The following B4GALT6 variants were observed in gnomAD, a reference collection of about 807,000 sequenced individuals.
The protein encoded by B4GALT6 is beta-1,4-galactosyltransferase 6, also known as UDP-Gal:beta-GlcNAc beta-1,4-galactosyltransferase 6.
Under a neutral mutation model 46.3 loss-of-function variants are expected in B4GALT6, and 14 were observed. The observed-to-expected ratio is 0.30, with a 90% confidence interval of 0.20 to 0.47. The LOEUF is 0.47. Ranked by LOEUF, B4GALT6 falls within the 20% of genes least tolerant of loss-of-function variation. B4GALT6 has a pLI of 0.99. For missense variants in B4GALT6, 386 were observed against 480.1 expected, an observed-to-expected ratio of 0.80 and a Z score of 1.83; for synonymous variants, 168 against 162.0, an observed-to-expected ratio of 1.04 and a Z score of -0.28.
chr18:31,685,056 G>C (rs1375726083), upstream of B4GALT6, among the ~76,000 whole-genome samples: 1 of 146,036 alleles, frequency 6.8e-6, no homozygotes, highest in Non-Finnish European at 1.5e-5. Flanking sequence ...CCGAGGAGCT[G>C]GGCGCTCGCC....
At chr18:31,658,863 A>T (rs2074176306) in intron 2 of B4GALT6, among the ~76,000 whole-genome samples, 1 of 152,162 alleles carries the variant, frequency 6.6e-6, no homozygotes, top group Non-Finnish European at 1.5e-5. Flanking sequence ...GGCCCATAGA[A>T]ATAGCTAATA....
the B4GALT6 span, among the ~76,000 whole-genome samples, chr18:31,695,136 A>G: frequency 6.6e-6 from 1 of 152,162 alleles, no homozygotes; most frequent in Non-Finnish European, 1.5e-5. Context: ...TCTTTGAGAA[A>G]AAAAATTTCC....
chr18:31,649,007 A>T (rs924065314), intron 3 of B4GALT6, among the ~76,000 whole-genome samples: 1 of 152,166 alleles, frequency 6.6e-6, no homozygotes, highest in African/African-American at 2.4e-5. Context: ...GAAAGACCTG[A>T]ATTTCCCCTA....
At chr18:31,626,860 A>C in intron 7 of B4GALT6, 139 bp downstream of exon 7, 1 of 666,962 alleles carries the variant, frequency 1.5e-6, no homozygotes, top group South Asian at 2.9e-5. Flanking sequence ...AAAAAAAGAG[A>C]AATATAAAAC....
At chr18:31,639,502 A>C (rs1195489523) in intron 4 of B4GALT6, among the ~76,000 whole-genome samples, 1 of 152,238 alleles carries the variant, frequency 6.6e-6, no homozygotes, top group Non-Finnish European at 1.5e-5. Context: ...ATACACATGA[A>C]GTTTGATAAT....
chr18:31,694,129 A>C, the B4GALT6 span, among the ~76,000 whole-genome samples: 1 of 152,266 alleles, frequency 6.6e-6, no homozygotes, highest in Non-Finnish European at 1.5e-5. Context: ...GCATGCCTCC[A>C]TGGCAAGAGA....
chr18:31,663,643 A>C (rs2074246247), intron 2 of B4GALT6, among the ~76,000 whole-genome samples: 1 of 152,212 alleles, frequency 6.6e-6, no homozygotes, highest in Admixed American at 6.5e-5. Context: ...ACTGCATATT[A>C]ATCAATTCCC....
chr18:31,708,078 G>C, the B4GALT6 span, among the ~76,000 whole-genome samples: 24 of 152,126 alleles, frequency 1.6e-4, no homozygotes, highest in Non-Finnish European at 2.2e-4. Flanking sequence ...ACTTCAGTAT[G>C]CATTATGATC....
At chr18:31,651,112 G>A (rs1287356691) in intron 3 of B4GALT6, among the ~76,000 whole-genome samples, 2 of 145,140 alleles carry the variant, frequency 1.4e-5, no homozygotes, top group Non-Finnish European at 3.1e-5. Flanking sequence ...TCACACTTAA[G>A]AGAAATGCAG....
upstream of B4GALT6, among the ~76,000 whole-genome samples, chr18:31,688,479 A>T (rs944083930): frequency 1.3e-5 from 2 of 151,972 alleles, no homozygotes; most frequent in South Asian, 4.1e-4. Context: ...ATATATATGA[A>T]ATAATATAGA....
intron 5 of B4GALT6, among the ~76,000 whole-genome samples, chr18:31,636,846 C>T (rs1567961615): frequency 6.6e-6 from 1 of 151,900 alleles, no homozygotes; most frequent in Non-Finnish European, 1.5e-5. Flanking sequence ...TTTTGAGATA[C>T]AGTCTCGCTC....
chr18:31,688,258 T>TACATATATATATATATACAC (rs151146927), upstream of B4GALT6, among the ~76,000 whole-genome samples: 24 of 148,598 alleles, frequency 1.6e-4, no homozygotes, highest in African/African-American at 6.0e-4. Context: ...TATATATATA[T>TACATATATATATATATACAC]ACATATATAT....
the B4GALT6 span, among the ~76,000 whole-genome samples, chr18:31,709,434 C>CATAT: frequency 0.053 from 6,962 of 130,770 alleles, 277 homozygotes; most frequent in African/African-American, 0.1. Flanking sequence ...GCAATTCATA[C>CATAT]ATATATATAT....
intron 1 of B4GALT6, among the ~76,000 whole-genome samples, chr18:31,683,332 C>T (rs986115346): frequency 3.3e-5 from 5 of 152,154 alleles, no homozygotes; most frequent in African/African-American, 1.2e-4. Context: ...ACAAAGAGCA[C>T]TGGCTCAAAC....
chr18:31,698,665 T>A, the B4GALT6 span, among the ~76,000 whole-genome samples: 1 of 149,114 alleles, frequency 6.7e-6, no homozygotes, highest in African/African-American at 2.5e-5. Context: ...ACACAACATG[T>A]ACCAATAAAA....
At chr18:31,694,744 T>C in the B4GALT6 span, among the ~76,000 whole-genome samples, 796 of 152,306 alleles carry the variant, frequency 5.2e-3, 4 homozygotes, top group Middle Eastern at 0.01. Flanking sequence ...TGCTATATGA[T>C]AGAAAATTTT....
chr18:31,635,726 G>A (rs2073849352), intron 5 of B4GALT6, among the ~76,000 whole-genome samples: 1 of 152,186 alleles, frequency 6.6e-6, no homozygotes, highest in African/African-American at 2.4e-5. Context: ...GCTGAGACAG[G>A]AGAATCGCTT....
At chr18:31,684,686 G>T, upstream of B4GALT6, 2 of 772,640 alleles carry the variant, frequency 2.6e-6, no homozygotes, top group Non-Finnish European at 3.2e-6. Flanking sequence ...GGGACTGGGG[G>T]CTAGGGGCCC....
rs147381673 is a variant in B4GALT6, at chr18:31,659,425, C to T, written c.233-1336G>A. ...GACAGTACTTCAGGGCAGAGACTCA[C>T]GCCACCTGCAAGACTGCTGAATGAA... On this transcript the variant is annotated intron_variant, in intron 2 of 8. Transcript: ENST00000306851. 4.3e-3 allele frequency among the ~76,000 whole-genome samples: 653 copies of T among 152,216 alleles called. 4 individuals carry two copies. The highest frequency in any genetic ancestry group is 0.01 in the East Asian group (54 of 5,168).
Sources: allele counts gnomAD v4.1 joint callset (sites outside exome capture counted in the v4.1 genomes callset), GRCh38; gene constraint gnomAD v4.1.1; transcripts MANE v1.5; gene names NCBI Gene and HGNC (gene_info 2026-07-23, HGNC 2026-07-21).